The following SASH1 variants were observed in gnomAD, a reference collection of about 807,000 sequenced individuals.
SASH1 encodes the protein SAM and SH3 domain containing 1.
SASH1 carries 44 observed loss-of-function variants against 125.2 expected under a neutral mutation model. That is an observed-to-expected ratio of 0.35 (90% CI 0.28 to 0.45). The LOEUF (loss-of-function observed/expected upper bound fraction) is 0.45, where lower values mean the gene tolerates loss of function less well. Among genes scored for constraint, SASH1 ranks in the 20% least tolerant of loss-of-function variants. SASH1 has a pLI of 1.00. For missense variants in SASH1, 1,426 were observed against 1,614.5 expected, an observed-to-expected ratio of 0.88 and a Z score of 2.00; for synonymous variants, 639 against 649.1, an observed-to-expected ratio of 0.98 and a Z score of 0.24.
intron 10 of SASH1, among the ~76,000 whole-genome samples, chr6:148,522,948 C>G (rs1562481187): frequency 6.6e-6 from 1 of 152,216 alleles, no homozygotes; most frequent in Non-Finnish European, 1.5e-5. Context: ...TGTCACTCCT[C>G]CACTGTAAAA....
intron 2 of SASH1, among the ~76,000 whole-genome samples, chr6:148,438,992 C>A (rs1348289962): frequency 1.3e-5 from 2 of 152,034 alleles, no homozygotes; most frequent in Non-Finnish European, 2.9e-5. Context: ...TTTATTGCTA[C>A]TTTTATACAT....
chr6:148,433,919 TTA>T (rs1276275254), intron 2 of SASH1, among the ~76,000 whole-genome samples: 3 of 151,802 alleles, frequency 2.0e-5, no homozygotes, highest in Non-Finnish European at 2.9e-5. Flanking sequence ...ATATCTTTTA[TTA>T]TGTTTTAAAA....
intron 2 of SASH1, among the ~76,000 whole-genome samples, chr6:148,402,889 G>A (rs186078562): frequency 2.6e-5 from 4 of 151,950 alleles, no homozygotes; most frequent in South Asian, 4.2e-4. Context: ...GATTACAAGC[G>A]TGAGCCACAG....
chr6:148,397,580 G>T (rs1022865765), intron 2 of SASH1, among the ~76,000 whole-genome samples: 12 of 152,110 alleles, frequency 7.9e-5, no homozygotes, highest in Non-Finnish European at 1.6e-4. Flanking sequence ...CACGTCACCC[G>T]CAGCCCAGCA....
Position 148,471,504 on chromosome 6 carries a change from G to T in SASH1, c.514+1G>T. The T allele has an allele frequency of 6.4e-7, 1 of 1,559,910 alleles. No homozygotes were observed. The highest frequency in any genetic ancestry group is 8.8e-7 in the Non-Finnish European group (1 of 1,140,478). Reference sequence around the variant, plus strand: ...GGAATAATGAGACAGACTTCAAAAGGTACTGCAATGCAGCTGGCGGACAGT... The same window carrying T: ...GGAATAATGAGACAGACTTCAAAAGTTACTGCAATGCAGCTGGCGGACAGT... On this transcript the variant is annotated splice_donor_variant, in intron 6 of 19. Coordinates refer to ENST00000367467, the MANE Select transcript of SASH1 (RefSeq NM_015278.5). LOFTEE classifies it high-confidence loss of function.
intron 19 of SASH1, among the ~76,000 whole-genome samples, chr6:148,547,694 C>A (rs779192380): frequency 9.9e-5 from 15 of 152,076 alleles, no homozygotes; most frequent in Non-Finnish European, 1.5e-4. Context: ...TGTATAAAAT[C>A]CCAAAGATTT....
In SASH1 at chr6:148,349,252, C is replaced by CTTTTTTTTTTTTTTTTT. The variant is rs11317386; in HGVS notation, c.156+6042_156+6058dup. On this transcript the variant is annotated intron_variant, in intron 1 of 19. Transcript: ENST00000367467. ...TTATTTCATTCTTTCTTCTTTCTTT[C>CTTTTTTTTTTTTTTTTT]TTTTTTTTTTTTTTTTTTTTTTTTT... 6.0e-4 allele frequency among the ~76,000 whole-genome samples: 28 copies of CTTTTTTTTTTTTTTTTT among 47,014 alleles called. 1 individual carries two copies. The highest frequency in any genetic ancestry group is 7.0e-4 in the Non-Finnish European group (19 of 27,166). The allele number at this position is 47,014 out of a possible 152,430, so 30.8% of individuals were successfully genotyped here.
At chr6:148,267,150 C>T in the SASH1 span, among the ~76,000 whole-genome samples, 1 of 152,118 alleles carries the variant, frequency 6.6e-6, no homozygotes, top group African/African-American at 2.4e-5. Flanking sequence ...AAATAAGACA[C>T]ACATCTGTAA....
chr6:148,378,331 G>A (rs1050139526), intron 1 of SASH1, among the ~76,000 whole-genome samples: 1 of 151,490 alleles, frequency 6.6e-6, no homozygotes, highest in Non-Finnish European at 1.5e-5. Context: ...TGGGATTACA[G>A]GCATGAGCCA....
At chr6:148,410,921 G>T (rs1430402222) in intron 2 of SASH1, among the ~76,000 whole-genome samples, 1 of 152,004 alleles carries the variant, frequency 6.6e-6, no homozygotes, top group South Asian at 2.1e-4. Context: ...GCACTTTGGG[G>T]GGCTGAGACG....
intron 1 of SASH1, chr6:148,379,993 A>G (rs1783070128): frequency 2.2e-6 from 1 of 455,958 alleles, no homozygotes; most frequent in Non-Finnish European, 4.4e-6. Flanking sequence ...TGCCACACAA[A>G]GAGTATTTTT....
At chr6:148,196,452 C>A in the SASH1 span, among the ~76,000 whole-genome samples, 1 of 152,204 alleles carries the variant, frequency 6.6e-6, no homozygotes, top group Non-Finnish European at 1.5e-5. Context: ...GATGGCCATG[C>A]ATGATTATTT....
chr6:148,518,541 C>T (rs1377486749), intron 9 of SASH1, among the ~76,000 whole-genome samples: 3 of 152,138 alleles, frequency 2.0e-5, no homozygotes, highest in Non-Finnish European at 2.9e-5. Flanking sequence ...CACACACTGG[C>T]GCCCTCGTCC....
At chr6:148,450,297 G>A (rs1777032354) in intron 4 of SASH1, among the ~76,000 whole-genome samples, 1 of 152,124 alleles carries the variant, frequency 6.6e-6, no homozygotes, top group Non-Finnish European at 1.5e-5. Context: ...TTTCACCTTG[G>A]TAATCAGTGG....
chr6:148,468,487 T>A, intron 4 of SASH1, 58 bp from the exon 5 acceptor site: 1 of 1,328,908 alleles, frequency 7.5e-7, no homozygotes, highest in Non-Finnish European at 1.1e-6. Context: ...TAGGAGGATT[T>A]TCAGTTCTCC....
chr6:148,488,357 A>G (rs1052618909), intron 8 of SASH1, among the ~76,000 whole-genome samples: 1 of 152,232 alleles, frequency 6.6e-6, no homozygotes, highest in Non-Finnish European at 1.5e-5. Flanking sequence ...ATTCCACTCT[A>G]TGTGTATACC....
At chr6:148,269,850 A>G (rs1405249032), upstream of SASH1, among the ~76,000 whole-genome samples, 1 of 152,234 alleles carries the variant, frequency 6.6e-6, no homozygotes, top group Non-Finnish European at 1.5e-5. Context: ...ATAAATGAAA[A>G]TAAATTCTGG....
At chr6:148,427,012 C>T (rs970296415) in intron 2 of SASH1, among the ~76,000 whole-genome samples, 6 of 152,190 alleles carry the variant, frequency 3.9e-5, no homozygotes, top group Admixed American at 3.9e-4. Context: ...GTGGGTGGTG[C>T]GTGCCTATAA....
intron 2 of SASH1, among the ~76,000 whole-genome samples, chr6:148,406,116 C>T (rs1784361023): frequency 6.6e-6 from 1 of 152,194 alleles, no homozygotes; most frequent in South Asian, 2.1e-4. Flanking sequence ...CTTCTCATTG[C>T]TGGGTGCCAG....
Sources: gnomAD v4.1 joint callset for allele counts (sites outside exome capture counted in the v4.1 genomes callset) on GRCh38, gnomAD v4.1.1 for gene constraint, MANE v1.5 for transcripts, NCBI Gene and HGNC (gene_info 2026-07-23, HGNC 2026-07-21) for gene names.